Variants in ASIC2 observed in about 807,000 individuals in gnomAD.
ASIC2 encodes acid sensing ion channel subunit 2.
Under a neutral mutation model 57.3 loss-of-function variants are expected in ASIC2, and 25 were observed. That is an observed-to-expected ratio of 0.44 (90% CI 0.32 to 0.61). The LOEUF (loss-of-function observed/expected upper bound fraction) is 0.61. ASIC2 is among the 20% of genes least tolerant of loss of function. The pLI is 0.06. For synonymous variants in ASIC2, 319 were observed against 307.5 expected, an observed-to-expected ratio of 1.04 and a Z score of -0.39; for missense variants, 641 against 738.1, an observed-to-expected ratio of 0.87 and a Z score of 1.52.
intron 1 of ASIC2, among the ~76,000 whole-genome samples, chr17:33,930,029 C>T (rs930792734): frequency 2.0e-5 from 3 of 152,174 alleles, no homozygotes. Flanking sequence ...GGGTGCTGTA[C>T]AGGACAAACT....
chr17:34,121,233 T>C (rs538345852), intron 1 of ASIC2, among the ~76,000 whole-genome samples: 14 of 152,174 alleles, frequency 9.2e-5, no homozygotes, highest in Non-Finnish European at 1.2e-4. Flanking sequence ...TACTTTGATG[T>C]TAGACTTCTA....
intron 1 of ASIC2, among the ~76,000 whole-genome samples, chr17:33,133,802 T>C (rs889117160): frequency 6.6e-6 from 1 of 152,048 alleles, no homozygotes; most frequent in African/African-American, 2.4e-5. Context: ...ATAGAGGAAA[T>C]GACAAGCTGA....
At chr17:33,044,479 T>G (rs560757393) in intron 3 of ASIC2, among the ~76,000 whole-genome samples, 1 of 152,274 alleles carries the variant, frequency 6.6e-6, no homozygotes, top group South Asian at 2.1e-4. Context: ...TTCAAGCGAT[T>G]CTCCTGCCTC....
chr17:33,477,952 C>T (rs910703615), intron 1 of ASIC2, among the ~76,000 whole-genome samples: 1 of 152,152 alleles, frequency 6.6e-6, no homozygotes, highest in African/African-American at 2.4e-5. Context: ...GGAAAAGTAG[C>T]CTGGGATGAA....
chr17:33,086,778 CCT>C (rs1397527413), intron 3 of ASIC2, among the ~76,000 whole-genome samples: 2 of 152,134 alleles, frequency 1.3e-5, no homozygotes, highest in Non-Finnish European at 2.9e-5. Context: ...ATATAGGGCC[CCT>C]GTCTCCCCGT....
Position 34,089,538 on chromosome 17 carries a change from G to A in ASIC2, c.555+66440C>T, listed in dbSNP as rs144091337. ...GCTCTTTTCAGACTGGCAATCCTGTGAACTCCAACTCCACTTGCTTTGTTA... is the reference window on the plus strand; with the variant it reads ...GCTCTTTTCAGACTGGCAATCCTGTAAACTCCAACTCCACTTGCTTTGTTA... On this transcript the variant is annotated intron_variant, in intron 1 of 9. Coordinates refer to the ASIC2 transcript ENST00000359872. Among the ~76,000 whole-genome samples the A allele has an allele frequency of 2.5e-4, 38 of 152,266 alleles. No individual in the cohort carries two copies. The South Asian group carries it at 6.6e-3, about 27-fold the overall frequency.
At chr17:33,080,527 T>G (rs931088690) in intron 3 of ASIC2, among the ~76,000 whole-genome samples, 2 of 152,144 alleles carry the variant, frequency 1.3e-5, no homozygotes, top group Admixed American at 6.5e-5. Flanking sequence ...CCACCCCATA[T>G]GTATCATGTT....
intron 2 of ASIC2, among the ~76,000 whole-genome samples, chr17:33,103,400 G>A (rs144638929): frequency 1.3e-4 from 20 of 152,244 alleles, no homozygotes; most frequent in African/African-American, 4.8e-4. Flanking sequence ...GTTACAGCTG[G>A]GATTTGAACC....
intron 3 of ASIC2, among the ~76,000 whole-genome samples, chr17:33,084,797 A>C (rs7224261): frequency 0.48 from 72,501 of 151,894 alleles, 17,886 homozygotes; most frequent in African/African-American, 0.61. Context: ...TGTGCAGAGG[A>C]TTTTACAGCA....
intron 1 of ASIC2, among the ~76,000 whole-genome samples, chr17:33,877,193 A>G (rs438958): frequency 0.27 from 41,574 of 152,148 alleles, 5,897 homozygotes; most frequent in Middle Eastern, 0.36. Context: ...CAGCGTGAGC[A>G]ACGCAGAAGA....
At chr17:33,778,070 C>T in intron 1 of ASIC2, among the ~76,000 whole-genome samples, 1 of 152,140 alleles carries the variant, frequency 6.6e-6, no homozygotes, top group East Asian at 1.9e-4. Flanking sequence ...CCTCAATGTC[C>T]CCTTGGTATC....
At chr17:33,045,597 CA>C (rs1364743628) in intron 3 of ASIC2, among the ~76,000 whole-genome samples, 1 of 152,160 alleles carries the variant, frequency 6.6e-6, no homozygotes, top group Non-Finnish European at 1.5e-5. Context: ...CCCCTCCAGC[CA>C]CAGGCTAGGA....
At chr17:34,016,028 A>G (rs564579346) in intron 1 of ASIC2, among the ~76,000 whole-genome samples, 119 of 152,390 alleles carry the variant, frequency 7.8e-4, no homozygotes, top group African/African-American at 2.7e-3. Flanking sequence ...CTCAAAACAT[A>G]AAATGAACAT....
At chr17:34,101,880 C>T (rs1035219739) in intron 1 of ASIC2, among the ~76,000 whole-genome samples, 2 of 152,260 alleles carry the variant, frequency 1.3e-5, no homozygotes, top group East Asian at 3.9e-4. Flanking sequence ...CAACAATTGT[C>T]GACATTCAGC....
At chr17:33,843,728 G>C (rs1913503833) in intron 1 of ASIC2, among the ~76,000 whole-genome samples, 1 of 152,192 alleles carries the variant, frequency 6.6e-6, no homozygotes, top group South Asian at 2.1e-4. Flanking sequence ...AGAGTAGTTG[G>C]AAAATTGAGC....
intron 1 of ASIC2, among the ~76,000 whole-genome samples, chr17:34,019,233 C>T (rs1217712141): frequency 2.0e-5 from 3 of 152,084 alleles, no homozygotes; most frequent in Admixed American, 1.3e-4. Flanking sequence ...ACAGAATCTA[C>T]TCCTAGCAAA....
chr17:33,838,043 A>G (rs892606132), intron 1 of ASIC2, among the ~76,000 whole-genome samples: 7 of 152,310 alleles, frequency 4.6e-5, no homozygotes, highest in African/African-American at 1.7e-4. Flanking sequence ...AATTTAGCAT[A>G]TATGTCCTTT....
At chr17:33,053,876 C>G (rs2091987560) in intron 3 of ASIC2, among the ~76,000 whole-genome samples, 1 of 152,192 alleles carries the variant, frequency 6.6e-6, no homozygotes, top group Admixed American at 6.5e-5. Context: ...ACATGACTGG[C>G]AGTTAGCAAA....
At chr17:33,604,065 CTA>C (rs1905170084) in intron 1 of ASIC2, among the ~76,000 whole-genome samples, 1 of 152,152 alleles carries the variant, frequency 6.6e-6, no homozygotes, top group Non-Finnish European at 1.5e-5. Context: ...AAAATGTAGT[CTA>C]GTTATCTGGT....
Sources: gnomAD v4.1 joint callset for allele counts (sites outside exome capture counted in the v4.1 genomes callset) on GRCh38, gnomAD v4.1.1 for gene constraint, MANE v1.5 for transcripts, NCBI Gene and HGNC (gene_info 2026-07-23, HGNC 2026-07-21) for gene names.